The following GULP1 variants were observed in gnomAD, a reference collection of about 807,000 sequenced individuals.
GULP1 encodes the protein GULP PTB domain containing engulfment adaptor 1, also known as PTB domain-containing engulfment adapter protein 1.
In GULP1, 19 loss-of-function variants were observed where a neutral mutation model predicts 40.9. That is an observed-to-expected ratio of 0.46 (90% CI 0.32 to 0.68). The LOEUF is 0.68. Among genes scored for constraint, GULP1 ranks in the 30% least tolerant of loss-of-function variants. The probability of loss-of-function intolerance (pLI) is 0.03; values close to 1 mark genes in which losing one functional copy is unlikely to be tolerated. For missense variants in GULP1, 312 were observed against 362.2 expected (o/e 0.86, Z 1.12); for synonymous variants, 119 against 117.6 (o/e 1.01, Z -0.08).
intron 6 of GULP1, among the ~76,000 whole-genome samples, chr2:188,529,798 A>G (rs1687106681): frequency 6.6e-6 from 1 of 152,144 alleles, no homozygotes; most frequent in African/African-American, 2.4e-5. Context: ...ACACTCATCA[A>G]ATTGGATTAG....
At chr2:188,475,344 A>G (rs1349857254) in intron 2 of GULP1, among the ~76,000 whole-genome samples, 2 of 152,062 alleles carry the variant, frequency 1.3e-5, no homozygotes, top group African/African-American at 4.8e-5. Context: ...TCATGTCATT[A>G]TATATCCTCC....
intron 7 of GULP1, among the ~76,000 whole-genome samples, chr2:188,563,720 A>G (rs1395085530): frequency 6.6e-6 from 1 of 151,798 alleles, no homozygotes; most frequent in East Asian, 1.9e-4. Context: ...TTAAAATACC[A>G]ATTATACATA....
intron 1 of GULP1, among the ~76,000 whole-genome samples, chr2:188,323,650 ATGTGTGTG>A (rs112584285): frequency 0.48 from 68,814 of 143,568 alleles, 16,168 homozygotes; most frequent in East Asian, 0.71. Context: ...ATCTGAAGAT[ATGTGTGTG>A]TGTGTGTGTG....
chr2:188,553,217 G>A (rs182535434), intron 7 of GULP1, among the ~76,000 whole-genome samples: 2 of 152,004 alleles, frequency 1.3e-5, no homozygotes, highest in Admixed American at 6.6e-5. Context: ...CCAGTACCGT[G>A]TTGAATAGGA....
At chr2:188,483,608 A>C (rs532076373) in intron 4 of GULP1, 116 bp downstream of exon 4, 19 of 431,740 alleles carry the variant, frequency 4.4e-5, no homozygotes, top group Non-Finnish European at 5.9e-5. Flanking sequence ...TCCTGAAAAA[A>C]GTTTACATAA....
chr2:188,581,552 C>T (rs1701334249), intron 9 of GULP1, among the ~76,000 whole-genome samples: 1 of 152,214 alleles, frequency 6.6e-6, no homozygotes, highest in African/African-American at 2.4e-5. Flanking sequence ...TTAACAGTAG[C>T]TTTCCATGTT....
At chr2:188,458,792 T>C (rs2059476261) in intron 2 of GULP1, among the ~76,000 whole-genome samples, 1 of 152,132 alleles carries the variant, frequency 6.6e-6, no homozygotes, top group Non-Finnish European at 1.5e-5. Flanking sequence ...TAATTTTTTT[T>C]TGTACCTGTT....
At chr2:188,512,583 C>T (rs982739859) in intron 4 of GULP1, among the ~76,000 whole-genome samples, 2 of 151,992 alleles carry the variant, frequency 1.3e-5, no homozygotes, top group Non-Finnish European at 2.9e-5. Context: ...CTACATTATT[C>T]ATAGTGATTC....
At chr2:188,477,367 T>C (rs1252157983) in intron 2 of GULP1, among the ~76,000 whole-genome samples, 4 of 152,102 alleles carry the variant, frequency 2.6e-5, no homozygotes, top group Admixed American at 6.6e-5. Flanking sequence ...TATTGATCTT[T>C]CTTCTCCTTA....
At chr2:188,460,273 A>G (rs542027594) in intron 2 of GULP1, among the ~76,000 whole-genome samples, 1 of 152,184 alleles carries the variant, frequency 6.6e-6, no homozygotes, top group Non-Finnish European at 1.5e-5. Context: ...CTTCCAACCC[A>G]CGAACATGGA....
chr2:188,371,405 AT>A (rs1214806244), intron 1 of GULP1, among the ~76,000 whole-genome samples: 1 of 152,104 alleles, frequency 6.6e-6, no homozygotes, highest in Non-Finnish European at 1.5e-5. Context: ...AGTACAAAGG[AT>A]TTTAACATGC....
chr2:188,541,322 A>G lies in GULP1; in HGVS notation c.399+4A>G. 6.2e-7 allele frequency: 1 copy of G among 1,612,470 alleles called. No individual in the cohort carries two copies. The highest frequency in any genetic ancestry group is 2.2e-5 in the East Asian group (1 of 44,808). On this transcript the variant is annotated splice_donor_region_variant and intron_variant, in intron 7 of 11. Transcript: ENST00000409830. ...TGTATTTGACAGCGAAAAGTGTGTA[A>G]GTATCCCAGATGTTGTAGGGTGGTT...
intron 4 of GULP1, among the ~76,000 whole-genome samples, chr2:188,515,245 G>A (rs559553046): frequency 6.6e-6 from 1 of 152,090 alleles, no homozygotes; most frequent in East Asian, 1.9e-4. Context: ...TCACTTGCAT[G>A]ATTCCCCCTG....
chr2:188,365,600 T>C (rs948682731), intron 1 of GULP1, among the ~76,000 whole-genome samples: 2 of 152,152 alleles, frequency 1.3e-5, no homozygotes, highest in African/African-American at 4.8e-5. Context: ...TTGTTGCAAG[T>C]CTACTGGGAA....
chr2:188,314,731 G>C, intron 1 of GULP1, among the ~76,000 whole-genome samples: 1 of 152,118 alleles, frequency 6.6e-6, no homozygotes, highest in Non-Finnish European at 1.5e-5. Flanking sequence ...TGCAGTTCCA[G>C]TTACCTCCGG....
At chr2:188,374,553 C>A (rs562992662) in intron 1 of GULP1, among the ~76,000 whole-genome samples, 15 of 152,214 alleles carry the variant, frequency 9.9e-5, no homozygotes, top group African/African-American at 3.6e-4. Flanking sequence ...GGTTTTCAGT[C>A]CTCCAGTTCG....
At chr2:188,490,417 A>G (rs1010596140) in intron 4 of GULP1, among the ~76,000 whole-genome samples, 2 of 152,084 alleles carry the variant, frequency 1.3e-5, no homozygotes, top group African/African-American at 2.4e-5. Flanking sequence ...TGCCACTTGT[A>G]TATGTTGTAT....
chr2:188,336,165 T>A (rs902134388), intron 1 of GULP1, among the ~76,000 whole-genome samples: 3 of 152,188 alleles, frequency 2.0e-5, no homozygotes, highest in Non-Finnish European at 2.9e-5. Context: ...AAACGCATGT[T>A]TTTTCCCTAG....
chr2:188,591,598 A>T (rs1463249526), intron 11 of GULP1: 1 of 151,866 alleles, frequency 6.6e-6, no homozygotes, highest in Non-Finnish European at 1.5e-5. Context: ...TATAGTCATA[A>T]TAAATTAGTT....
Sources: allele counts gnomAD v4.1 joint callset (sites outside exome capture counted in the v4.1 genomes callset), GRCh38; gene constraint gnomAD v4.1.1; transcripts MANE v1.5; gene names NCBI Gene and HGNC (gene_info 2026-07-23, HGNC 2026-07-21).